The following ERBB4 variants were observed in gnomAD, a reference collection of about 807,000 sequenced individuals.
ERBB4 encodes the protein erb-b2 receptor tyrosine kinase 4.
In ERBB4, 42 loss-of-function variants were observed where a neutral mutation model predicts 158.0. That is an observed-to-expected ratio of 0.27 (90% CI 0.21 to 0.34). The LOEUF is 0.34. Ranked by LOEUF, ERBB4 falls within the 10% of genes least tolerant of loss-of-function variation. ERBB4 has a pLI of 1.00. For synonymous variants in ERBB4, 583 were observed against 558.7 expected (o/e 1.04, Z -0.61); for missense variants, 1,333 against 1,624.1 (o/e 0.82, Z 3.08).
At chr2:211,475,943 T>C (rs1346268412) in intron 20 of ERBB4, among the ~76,000 whole-genome samples, 1 of 152,078 alleles carries the variant, frequency 6.6e-6, no homozygotes, top group Non-Finnish European at 1.5e-5. Flanking sequence ...AATAACAAAA[T>C]AACTACACGA....
chr2:211,656,218 G>C (rs1574934506), intron 16 of ERBB4, among the ~76,000 whole-genome samples: 1 of 152,108 alleles, frequency 6.6e-6, no homozygotes, highest in East Asian at 1.9e-4. Context: ...TTCTTGATCT[G>C]GTAAATGGCA....
intron 4 of ERBB4, among the ~76,000 whole-genome samples, chr2:211,772,825 A>ATG (rs1268890329): frequency 7.4e-3 from 93 of 12,638 alleles, no homozygotes; most frequent in African/African-American, 0.04. Flanking sequence ...ATATATATAT[A>ATG]TATATATATA....
intron 20 of ERBB4, among the ~76,000 whole-genome samples, chr2:211,462,561 A>C (rs1481669033): frequency 6.6e-6 from 1 of 152,168 alleles, no homozygotes; most frequent in Admixed American, 6.5e-5. Flanking sequence ...GTGAAGGAAG[A>C]AAAGGGTTTT....
At chr2:212,285,274 TAACTC>T (rs1482001392) in intron 1 of ERBB4, among the ~76,000 whole-genome samples, 1 of 152,150 alleles carries the variant, frequency 6.6e-6, no homozygotes, top group Non-Finnish European at 1.5e-5. Flanking sequence ...TCCTGGTAAT[TAACTC>T]AGAAAGACAT....
intron 3 of ERBB4, among the ~76,000 whole-genome samples, chr2:211,790,174 C>A (rs956040586): frequency 6.6e-6 from 1 of 151,986 alleles, no homozygotes; most frequent in African/African-American, 2.4e-5. Flanking sequence ...GTGATGATCT[C>A]ATACTAATAG....
intron 2 of ERBB4, among the ~76,000 whole-genome samples, chr2:212,039,277 A>G (rs762382865): frequency 1.3e-5 from 2 of 152,182 alleles, no homozygotes; most frequent in African/African-American, 2.4e-5. Context: ...TAATGATTGT[A>G]TACTTTCTGC....
intron 19 of ERBB4, among the ~76,000 whole-genome samples, chr2:211,570,435 G>A (rs994378833): frequency 3.4e-5 from 5 of 147,050 alleles, no homozygotes; most frequent in Admixed American, 6.9e-5. Flanking sequence ...CAAAGTGCTA[G>A]GATTACAGGC....
intron 3 of ERBB4, among the ~76,000 whole-genome samples, chr2:211,883,199 A>G (rs2078708213): frequency 6.6e-6 from 1 of 152,136 alleles, no homozygotes; most frequent in Non-Finnish European, 1.5e-5. Context: ...TCGCAAGGAC[A>G]AAAAACCAAA....
chr2:212,168,357 T>C (rs960020024), intron 1 of ERBB4, among the ~76,000 whole-genome samples: 1 of 152,138 alleles, frequency 6.6e-6, no homozygotes, highest in African/African-American at 2.4e-5. Flanking sequence ...CCAATTTGTT[T>C]TCATTAGAAT....
intron 1 of ERBB4, among the ~76,000 whole-genome samples, chr2:212,456,311 CACT>C (rs1688285084): frequency 6.6e-6 from 1 of 151,944 alleles, no homozygotes; most frequent in African/African-American, 2.4e-5. Context: ...TTATCAAAAT[CACT>C]ACAACAAAAC....
At chr2:211,750,591 A>G in intron 5 of ERBB4, 48 bp downstream of exon 5, 5 of 1,495,856 alleles carry the variant, frequency 3.3e-6, no homozygotes, top group Non-Finnish European at 4.7e-6. Flanking sequence ...AATCATTAAA[A>G]TTCCTTGACC....
Position 211,722,538 on chromosome 2 carries a change from C to A in ERBB4, c.742-4G>T. 6.2e-7 allele frequency: 1 copy of A among 1,613,732 alleles called. No individual in the cohort carries two copies. Among genetic ancestry groups the A allele is most frequent in the Non-Finnish European group, 8.5e-7 (1 of 1,179,696 alleles). ...TGTCATTGAAATTCATGCAGGCCTG[C>A]AACACAGCAAATATTACTTTCATTT... On this transcript the variant is annotated splice_region_variant and splice_polypyrimidine_tract_variant and intron_variant, in intron 6 of 27. Coordinates refer to ENST00000342788, the MANE Select transcript of ERBB4 (RefSeq NM_005235.3).
chr2:211,861,496 C>T (rs913573707), intron 3 of ERBB4, among the ~76,000 whole-genome samples: 2 of 151,370 alleles, frequency 1.3e-5, no homozygotes, highest in Non-Finnish European at 2.9e-5. Context: ...AGTCACTACA[C>T]CCAGCCCAAA....
At chr2:211,833,203 G>C (rs1370081642) in intron 3 of ERBB4, among the ~76,000 whole-genome samples, 2 of 152,028 alleles carry the variant, frequency 1.3e-5, no homozygotes, top group Non-Finnish European at 2.9e-5. Context: ...AGTATCATAT[G>C]GTTTTTCAAG....
chr2:211,747,428 GC>G (rs1310361986), intron 5 of ERBB4, among the ~76,000 whole-genome samples: 2 of 151,958 alleles, frequency 1.3e-5, no homozygotes, highest in Admixed American at 6.5e-5. Context: ...GATAAACACT[GC>G]CCTGTGAAGT....
chr2:211,378,588 C>T lies in ERBB4; in HGVS notation c.*5027G>A, dbSNP rs2062519809. 8.6e-6 allele frequency: 2 copies of T among 232,636 alleles called. No individual in the cohort carries two copies. The highest frequency in any genetic ancestry group is 1.8e-4 in the South Asian group (1 of 5,524). 14.4% of individuals were successfully genotyped at this position (232,636 alleles called of 1,614,324 possible). ...TTCCAACTGCAGAGAGAACTCAGAT[C>T]TCTGGGATCAGAAAAATTTTATTAA... On this transcript the variant is annotated 3_prime_UTR_variant, in exon 28 of 28. Coordinates refer to ENST00000342788, the MANE Select transcript of ERBB4 (RefSeq NM_005235.3).
intron 20 of ERBB4, among the ~76,000 whole-genome samples, chr2:211,467,909 ACCTTAAATGGAAAATCTTGTTATTT>A (rs2064735253): frequency 6.6e-6 from 1 of 152,294 alleles, no homozygotes; most frequent in South Asian, 2.1e-4. Flanking sequence ...TCTGACTTTT[ACCTTAAATGGAAAATCTTGTTATTT>A]CCTTTTGGAG....
At chr2:212,101,163 A>T (rs894287282) in intron 2 of ERBB4, among the ~76,000 whole-genome samples, 12 of 151,926 alleles carry the variant, frequency 7.9e-5, no homozygotes, top group African/African-American at 2.9e-4. Context: ...CATTAATGTT[A>T]TTAATGAGCA....
At chr2:211,958,720 T>C (rs368656305) in intron 2 of ERBB4, among the ~76,000 whole-genome samples, 1 of 152,134 alleles carries the variant, frequency 6.6e-6, no homozygotes, top group Non-Finnish European at 1.5e-5. Context: ...TAAAGTACTA[T>C]CCACGGCAAA....
Sources: allele counts gnomAD v4.1 joint callset (sites outside exome capture counted in the v4.1 genomes callset), GRCh38; gene constraint gnomAD v4.1.1; transcripts MANE v1.5; gene names NCBI Gene and HGNC (gene_info 2026-07-23, HGNC 2026-07-21).